DIAPH3: variants seen among roughly 807,000 people sequenced by gnomAD.
DIAPH3 encodes the protein protein diaphanous homolog 3.
A neutral mutation model predicts 144.3 loss-of-function variants in DIAPH3; 117 were observed. The ratio of observed to expected loss-of-function variants is 0.81; its 90% CI spans 0.70 to 0.95. DIAPH3 has a LOEUF of 0.95. DIAPH3 is among the 40% of genes least tolerant of loss of function. The pLI is 0.00. For missense variants in DIAPH3, 1,421 were observed against 1,412.7 expected (o/e 1.01, Z -0.09); for synonymous variants, 519 against 488.9 (o/e 1.06, Z -0.81).
chr13:59,942,708 TAAAC>T (rs1352724118), intron 17 of DIAPH3, among the ~76,000 whole-genome samples: 1 of 152,096 alleles, frequency 6.6e-6, no homozygotes, highest in Admixed American at 6.6e-5. Flanking sequence ...AGGGTGTACA[TAAAC>T]AAAAAAGATG....
intron 25 of DIAPH3, among the ~76,000 whole-genome samples, chr13:59,785,123 T>C (rs567121974): frequency 2.6e-5 from 4 of 152,304 alleles, no homozygotes; most frequent in South Asian, 2.1e-4. Flanking sequence ...CCGATTTTCA[T>C]TGGGATTTAA....
intron 5 of DIAPH3, among the ~76,000 whole-genome samples, chr13:60,041,177 G>A (rs2055641645): frequency 6.6e-6 from 1 of 151,928 alleles, no homozygotes; most frequent in African/African-American, 2.4e-5. Flanking sequence ...GATTAAGCTG[G>A]ACACCAAAGC....
In DIAPH3 at chr13:60,163,636, G is replaced by C. The variant is rs1327074528; in HGVS notation, c.131C>G (p.Pro44Arg). The change falls in exon 1 of 28, where the codon CCT (proline) becomes CGT (arginine). Residue 44 changes from proline (P) to arginine (R), a missense_variant. Physicochemically the swap from Pro to Arg is moderately radical, Grantham distance 103. Coordinates refer to ENST00000400324, the MANE Select transcript of DIAPH3 (RefSeq NM_001042517.2). ...KMPRRKGPQHPPPPSGPEEPG... is the reference protein window; with the variant it reads ...KMPRRKGPQHRPPPSGPEEPG... The stretch of plus-strand genomic sequence containing the variant: ...CTCCTCGGGGCCACTGGGCGGCGGA[G>C]GGTGTTGGGGGCCCTTCCTGCGCGG... 1.9e-6 allele frequency: 3 copies of C among 1,606,336 alleles called. No homozygotes were observed. The South Asian group carries it at 3.3e-5, about 18-fold the overall frequency.
At chr13:60,052,400 T>A (rs1321197132) in intron 4 of DIAPH3, among the ~76,000 whole-genome samples, 2 of 152,070 alleles carry the variant, frequency 1.3e-5, no homozygotes, top group African/African-American at 4.8e-5. Context: ...AGTGATAAAG[T>A]CAAGTAAATG....
chr13:60,110,852 T>G (rs922103574), intron 3 of DIAPH3, among the ~76,000 whole-genome samples: 7 of 152,184 alleles, frequency 4.6e-5, no homozygotes, highest in African/African-American at 1.7e-4. Flanking sequence ...GACCTCTAAA[T>G]AATATTAAAA....
Position 59,668,842 on chromosome 13 carries a change from T to G in DIAPH3, c.3320-1996A>C, listed in dbSNP as rs924814827. On this transcript the variant is annotated intron_variant, in intron 27 of 27. Transcript: ENST00000400324. ...ATATACACATATATATATATGTATG[T>G]ATACACACACACACACACACACACA... Among the ~76,000 whole-genome samples the G allele has an allele frequency of 5.6e-5, 5 of 89,146 alleles. No individual in the cohort carries two copies. In the East Asian group the frequency reaches 2.5e-3, roughly 45 times the overall value. 58.5% of individuals were successfully genotyped at this position (89,146 alleles called of 152,430 possible).
intron 4 of DIAPH3, among the ~76,000 whole-genome samples, chr13:60,068,306 ATT>A (rs1566733961): frequency 6.6e-6 from 1 of 152,200 alleles, no homozygotes; most frequent in Non-Finnish European, 1.5e-5. Flanking sequence ...AAAATGCTAT[ATT>A]ACATCACAGT....
intron 27 of DIAPH3, among the ~76,000 whole-genome samples, chr13:59,763,137 TA>T (rs2037688215): frequency 6.6e-6 from 1 of 152,204 alleles, no homozygotes; most frequent in Non-Finnish European, 1.5e-5. Context: ...AATATTGTAC[TA>T]TTTTTTTCTG....
intron 17 of DIAPH3, among the ~76,000 whole-genome samples, chr13:59,956,979 G>A (rs1188216451): frequency 6.6e-6 from 1 of 152,166 alleles, no homozygotes; most frequent in Non-Finnish European, 1.5e-5. Context: ...CTCCCATTTG[G>A]AATGGGTGTA....
intron 4 of DIAPH3, among the ~76,000 whole-genome samples, chr13:60,054,642 G>A (rs1364557472): frequency 6.6e-6 from 1 of 152,112 alleles, no homozygotes; most frequent in East Asian, 1.9e-4. Context: ...GTTTGCACTG[G>A]TAGGGACAAT....
At chr13:59,780,029 T>C (rs2038655907) in intron 25 of DIAPH3, among the ~76,000 whole-genome samples, 1 of 152,054 alleles carries the variant, frequency 6.6e-6, no homozygotes, top group Non-Finnish European at 1.5e-5. Context: ...TGTGCCAGGA[T>C]GTTACTAGGC....
intron 1 of DIAPH3, among the ~76,000 whole-genome samples, chr13:60,135,071 G>A (rs1250044737): frequency 6.6e-6 from 1 of 151,984 alleles, no homozygotes; most frequent in African/African-American, 2.4e-5. Flanking sequence ...GGAAATGTAA[G>A]TTACATGATG....
At chr13:60,072,075 G>C (rs1470027654) in intron 4 of DIAPH3, among the ~76,000 whole-genome samples, 1 of 152,082 alleles carries the variant, frequency 6.6e-6, no homozygotes, top group Non-Finnish European at 1.5e-5. Context: ...AGGCTCCATA[G>C]ATTTGGTTAC....
At chr13:59,978,239 C>G (rs1355673280) in intron 14 of DIAPH3, among the ~76,000 whole-genome samples, 1 of 151,718 alleles carries the variant, frequency 6.6e-6, no homozygotes, top group Non-Finnish European at 1.5e-5. Flanking sequence ...AAGTGATGAG[C>G]CAACCTCGTC....
intron 3 of DIAPH3, among the ~76,000 whole-genome samples, chr13:60,107,547 T>C (rs866735609): frequency 6.6e-6 from 1 of 152,162 alleles, no homozygotes; most frequent in Non-Finnish European, 1.5e-5. Context: ...TTTGGTATTA[T>C]CTAAACCAGG....
intron 20 of DIAPH3, among the ~76,000 whole-genome samples, chr13:59,883,881 A>G (rs1175584381): frequency 1.3e-5 from 2 of 152,144 alleles, no homozygotes; most frequent in African/African-American, 4.8e-5. Context: ...TACTATCTCA[A>G]TATTTCTTAC....
At chr13:59,839,301 T>C in intron 23 of DIAPH3, 23 bp downstream of exon 23, 1 of 1,612,032 alleles carries the variant, frequency 6.2e-7, no homozygotes, top group East Asian at 2.2e-5. Flanking sequence ...GTGACTTAAG[T>C]TATTTAGCTA....
intron 27 of DIAPH3, among the ~76,000 whole-genome samples, chr13:59,761,878 C>A (rs778333886): frequency 1.3e-5 from 2 of 151,938 alleles, no homozygotes; most frequent in Non-Finnish European, 2.9e-5. Flanking sequence ...GAAGAGATTT[C>A]GGCTTCTGGT....
At chr13:59,889,094 T>C (rs137872831) in intron 20 of DIAPH3, among the ~76,000 whole-genome samples, 265 of 152,170 alleles carry the variant, frequency 1.7e-3, no homozygotes, top group African/African-American at 5.9e-3. Flanking sequence ...TATCTTTTTC[T>C]CTTTATATTT....
Sources: gnomAD v4.1 joint callset for allele counts (sites outside exome capture counted in the v4.1 genomes callset) on GRCh38, gnomAD v4.1.1 for gene constraint, MANE v1.5 for transcripts, NCBI Gene and HGNC (gene_info 2026-07-23, HGNC 2026-07-21) for gene names.